GAREM1: variants seen among roughly 807,000 people sequenced by gnomAD.
GAREM1 encodes GRB2-associated and regulator of MAPK protein 1.
A neutral mutation model predicts 71.3 loss-of-function variants in GAREM1; 26 were observed. The ratio of observed to expected loss-of-function variants is 0.36; its 90% CI spans 0.27 to 0.51. GAREM1 has a LOEUF of 0.51. Among genes scored for constraint, GAREM1 ranks in the 20% least tolerant of loss-of-function variants. GAREM1 has a pLI of 0.95. For synonymous variants in GAREM1, 440 were observed against 433.2 expected, an observed-to-expected ratio of 1.02 and a Z score of -0.20; for missense variants, 1,026 against 1,103.1, an observed-to-expected ratio of 0.93 and a Z score of 0.99.
chr18:32,453,794 G>C (rs1284734600), intron 1 of GAREM1, among the ~76,000 whole-genome samples: 2 of 152,166 alleles, frequency 1.3e-5, no homozygotes, highest in African/African-American at 4.8e-5. Flanking sequence ...ACTACACTAT[G>C]TGTGCACATG....
At chr18:32,299,611 G>A (rs1203934481) in intron 3 of GAREM1, among the ~76,000 whole-genome samples, 1 of 151,068 alleles carries the variant, frequency 6.6e-6, no homozygotes, top group East Asian at 1.9e-4. Context: ...AGGTTGCATA[G>A]GAATCAATAA....
intron 2 of GAREM1, among the ~76,000 whole-genome samples, chr18:32,313,199 G>A (rs565323699): frequency 5.9e-5 from 9 of 152,242 alleles, no homozygotes; most frequent in African/African-American, 1.9e-4. Flanking sequence ...GAGTCAGGAT[G>A]TCACCGGGAG....
chr18:32,448,343 C>T (rs1378461758), intron 1 of GAREM1, among the ~76,000 whole-genome samples: 1 of 152,144 alleles, frequency 6.6e-6, no homozygotes, highest in Non-Finnish European at 1.5e-5. Context: ...CAAATGTATA[C>T]TAGAGGAGGG....
intron 2 of GAREM1, among the ~76,000 whole-genome samples, chr18:32,379,465 G>A (rs1484750562): frequency 5.5e-5 from 7 of 127,222 alleles, no homozygotes; most frequent in Non-Finnish European, 1.2e-4. Context: ...GAGGCCGGGG[G>A]GGGTGGGGGG....
chr18:32,470,368 C>A lies in GAREM1; in HGVS notation c.61G>T (p.Val21Leu), dbSNP rs746560716. The stretch of plus-strand genomic sequence containing the variant: ...GTGCTGACCAGGAGGTCGAGCGGCA[C>A]GGCCACCGAGCTCCACTTCACATCC... ...LKDVKWSSVA[V>L]PLDLLVSTYR... The change falls in exon 1 of 6, where the codon GTG becomes TTG. Residue 21 changes from valine (V) to leucine (L), a missense_variant. Physicochemically the swap from Val to Leu is conservative, Grantham distance 32. Transcript: ENST00000269209. The surrounding 1 kb of genome is among the most constrained non-coding windows in gnomAD (Gnocchi z 4.4). 3.8e-6 allele frequency: 6 copies of A among 1,559,458 alleles called. No homozygotes were observed. The highest frequency in any genetic ancestry group is 5.2e-5 in the East Asian group (2 of 38,754).
At chr18:32,336,729 T>C (rs1236838951) in intron 2 of GAREM1, among the ~76,000 whole-genome samples, 2 of 152,204 alleles carry the variant, frequency 1.3e-5, no homozygotes, top group Admixed American at 6.5e-5. Flanking sequence ...ATATGGATCA[T>C]AAACAGCCAC....
intron 1 of GAREM1, among the ~76,000 whole-genome samples, chr18:32,431,453 C>A (rs1028190151): frequency 6.6e-6 from 1 of 152,084 alleles, no homozygotes; most frequent in Non-Finnish European, 1.5e-5. Context: ...TGTGGTAAAA[C>A]CCCGTCTCTA....
intron 3 of GAREM1, among the ~76,000 whole-genome samples, chr18:32,301,815 T>C (rs2144501641): frequency 6.6e-6 from 1 of 152,356 alleles, no homozygotes; most frequent in South Asian, 2.1e-4. Flanking sequence ...TTCAAATTCC[T>C]ATTTCAGAGA....
At chr18:32,443,377 T>C (rs564403363) in intron 1 of GAREM1, among the ~76,000 whole-genome samples, 1 of 152,258 alleles carries the variant, frequency 6.6e-6, no homozygotes, top group South Asian at 2.1e-4. Context: ...AGAAAGTATT[T>C]ACAAAACATT....
chr18:32,368,916 A>T, intron 2 of GAREM1, among the ~76,000 whole-genome samples: 1 of 152,348 alleles, frequency 6.6e-6, no homozygotes, highest in East Asian at 1.9e-4. Context: ...GCCAAAAAAA[A>T]ATCTGCTTTG....
chr18:32,287,924 G>A lies in GAREM1; in HGVS notation c.673C>T (p.Leu225=), dbSNP rs1234031971. Residue 225 remains leucine (L), a synonymous_variant, in exon 4 of 6, where the codon CTG becomes TTG. Transcript: ENST00000269209. The surrounding 1 kb of genome is among the most constrained non-coding windows in gnomAD (Gnocchi z 5.9). ...TCGCCCTCTTGCATCTGAAGTTCCA[G>A]GGGACTTCGGGTGCTAAATCTGCCC... The part of the protein sequence containing the change: ...CKGRFSTRSP[L]ELQMQEGEHT... 1 of 1,614,080 alleles carries A rather than the reference G, an allele frequency of 6.2e-7. No individual in the cohort carries two copies. Among genetic ancestry groups the A allele is most frequent in the South Asian group, 1.1e-5 (1 of 91,056 alleles).
At chr18:32,418,007 C>G (rs147820910) in intron 1 of GAREM1, among the ~76,000 whole-genome samples, 1 of 152,030 alleles carries the variant, frequency 6.6e-6, no homozygotes, top group African/African-American at 2.4e-5. Flanking sequence ...CTACTATGTA[C>G]GCACAAAATT....
rs114472689 is a variant in GAREM1 at position 32,273,145 on chromosome 18, A to G, written c.1567-2762T>C. ...TAAGGACTCTGTCAGTTAACTTTTC[A>G]ATTTTAAAATAAATACTTAGCTACT... On this transcript the variant is annotated intron_variant, in intron 4 of 5. Coordinates refer to ENST00000269209, the MANE Select transcript of GAREM1 (RefSeq NM_001242409.2). Among the ~76,000 whole-genome samples, 905 of 152,342 alleles carry G rather than the reference A, an allele frequency of 5.9e-3. 13 individuals carry two copies. Among genetic ancestry groups the G allele is most frequent in the African/African-American group, 0.021 (868 of 41,580 alleles).
chr18:32,375,113 T>C (rs2048020253), intron 2 of GAREM1, among the ~76,000 whole-genome samples: 1 of 152,170 alleles, frequency 6.6e-6, no homozygotes, highest in African/African-American at 2.4e-5. Context: ...AAATTATAGT[T>C]TACGAAATTT....
chr18:32,367,435 C>G (rs1356025541), intron 2 of GAREM1, among the ~76,000 whole-genome samples: 1 of 152,154 alleles, frequency 6.6e-6, no homozygotes, highest in African/African-American at 2.4e-5. Context: ...CTCTTCTTCT[C>G]CTAAGATATT....
intron 2 of GAREM1, among the ~76,000 whole-genome samples, chr18:32,335,856 T>G (rs879600512): frequency 6.6e-6 from 1 of 152,198 alleles, no homozygotes; most frequent in Non-Finnish European, 1.5e-5. Flanking sequence ...TTAATTGATC[T>G]GAAGTTCACA....
intron 2 of GAREM1, among the ~76,000 whole-genome samples, chr18:32,364,875 GACACACACACACACACAC>G (rs35309414): frequency 6.9e-6 from 1 of 144,478 alleles, no homozygotes; most frequent in Non-Finnish European, 1.5e-5. Flanking sequence ...TAAGAGCACA[GACACACACACACACACAC>G]ACACACACAC....
At chr18:32,270,115 C>T (rs1160291914) in intron 5 of GAREM1, 102 bp downstream of exon 5, 3 of 1,220,020 alleles carry the variant, frequency 2.5e-6, no homozygotes, top group Non-Finnish European at 3.5e-6. Context: ...TTTCCTCTCC[C>T]ACCACCCTGC....
chr18:32,412,262 A>G (rs1448498382), intron 1 of GAREM1: 5 of 1,575,148 alleles, frequency 3.2e-6, no homozygotes, highest in Non-Finnish European at 4.3e-6. Flanking sequence ...TGGAACCGCC[A>G]TAGCCACCTT....
Sources: allele counts gnomAD v4.1 joint callset (sites outside exome capture counted in the v4.1 genomes callset), GRCh38; gene constraint gnomAD v4.1.1; non-coding constraint Gnocchi (gnomAD v3.1); transcripts MANE v1.5; gene names NCBI Gene and HGNC (gene_info 2026-07-23, HGNC 2026-07-21).